The following PARP4 variants were observed in gnomAD, a reference collection of about 807,000 sequenced individuals.
The protein encoded by PARP4 is protein mono-ADP-ribosyltransferase PARP4.
PARP4 carries 120 observed loss-of-function variants against 187.7 expected under a neutral mutation model. That is an observed-to-expected ratio of 0.64 (90% CI 0.55 to 0.74). The LOEUF (loss-of-function observed/expected upper bound fraction) is 0.74. PARP4 is among the 30% of genes least tolerant of loss of function. The probability of loss-of-function intolerance (pLI) is 0.00; values close to 1 mark genes in which losing one functional copy is unlikely to be tolerated. For synonymous variants in PARP4, 654 were observed against 740.9 expected (o/e 0.88, Z 1.90); for missense variants, 1,836 against 2,070.5 (o/e 0.89, Z 2.20).
chr13:24,455,480 A>AATATATATATATATATAT (rs57015283), intron 21 of PARP4, among the ~76,000 whole-genome samples: 3,238 of 107,600 alleles, frequency 0.03, 117 homozygotes, highest in Non-Finnish European at 0.04. Flanking sequence ...TTATGGAACA[A>AATATATATATATATATAT]ATATATATAT....
At chr13:24,489,301 T>C (rs556825183) in intron 10 of PARP4, among the ~76,000 whole-genome samples, 5 of 152,310 alleles carry the variant, frequency 3.3e-5, no homozygotes, top group Admixed American at 2.0e-4. Context: ...CCAACACTTA[T>C]AATTTTCCAT....
chr13:24,474,825 T>C (rs1872901779), intron 15 of PARP4, among the ~76,000 whole-genome samples: 1 of 151,980 alleles, frequency 6.6e-6, no homozygotes, highest in African/African-American at 2.4e-5. Flanking sequence ...AAGCTTCCAT[T>C]TCACTCAGAG....
At chr13:24,483,471 C>T (rs537227815) in intron 12 of PARP4, among the ~76,000 whole-genome samples, 1 of 110,236 alleles carries the variant, frequency 9.1e-6, no homozygotes, top group African/African-American at 3.5e-5. Flanking sequence ...CCGGCCTGGG[C>T]GACAGAGCGA....
In PARP4 at chr13:24,475,457, C is replaced by T. The variant is rs572605077; in HGVS notation, c.1914+15G>A. The T allele has an allele frequency of 8.1e-6, 13 of 1,609,904 alleles. No homozygotes were observed. Among genetic ancestry groups the T allele is most frequent in the East Asian group, 2.2e-5 (1 of 44,798 alleles). On this transcript the variant is annotated intron_variant, in intron 15 of 33. Transcript: ENST00000381989. ...TCCATGTAGTTTAAGTGTCATAAAG[C>T]CACAGACAACATACCTGGGCTACAG...
chr13:24,473,215 C>T (rs1280138097), intron 15 of PARP4, among the ~76,000 whole-genome samples: 3 of 152,024 alleles, frequency 2.0e-5, no homozygotes, highest in African/African-American at 4.8e-5. Flanking sequence ...CATGAACCAC[C>T]GCACCGGCCA....
chr13:24,485,530 G>A (rs1873506365), intron 11 of PARP4, among the ~76,000 whole-genome samples: 1 of 152,052 alleles, frequency 6.6e-6, no homozygotes, highest in South Asian at 2.1e-4. Context: ...GGTGGATCTT[G>A]TATGTTTCTT....
At chr13:24,499,648 G>A (rs1477246453) in intron 4 of PARP4, among the ~76,000 whole-genome samples, 8 of 152,138 alleles carry the variant, frequency 5.3e-5, no homozygotes, top group African/African-American at 1.7e-4. Flanking sequence ...TGGTCTCCAC[G>A]CGGCAGAGGC....
At chr13:24,479,695 C>A (rs543436749) in intron 12 of PARP4, among the ~76,000 whole-genome samples, 2 of 151,992 alleles carry the variant, frequency 1.3e-5, no homozygotes, top group Non-Finnish European at 2.9e-5. Flanking sequence ...AAACAGACCA[C>A]CCTACTCTAC....
intron 30 of PARP4, among the ~76,000 whole-genome samples, chr13:24,436,823 TATGA>T (rs1164098609): frequency 6.6e-6 from 1 of 152,210 alleles, no homozygotes; most frequent in Non-Finnish European, 1.5e-5. Context: ...TACCTGTGAA[TATGA>T]ATGATTTAAA....
At chr13:24,470,143 G>A (rs544587973) in intron 15 of PARP4, 118 bp from the exon 16 acceptor site, 4 of 950,522 alleles carry the variant, frequency 4.2e-6, no homozygotes, top group Admixed American at 2.7e-5. Flanking sequence ...TTTGTATCAC[G>A]TCCCTCAAAT....
At chr13:24,500,492 T>A (rs1869213353) in intron 3 of PARP4, 110 bp from the exon 4 acceptor site, 3 of 614,400 alleles carry the variant, frequency 4.9e-6, no homozygotes, top group Non-Finnish European at 5.4e-6. Flanking sequence ...TTAAATTAGT[T>A]ATAATTTTGG....
At chr13:24,459,185 T>G in intron 19 of PARP4, 63 bp from the exon 20 acceptor site, 1 of 1,579,294 alleles carries the variant, frequency 6.3e-7, no homozygotes, top group Middle Eastern at 1.7e-4. Flanking sequence ...TGAAATTATT[T>G]CAAACAATTC....
intron 33 of PARP4, among the ~76,000 whole-genome samples, chr13:24,424,846 T>C (rs974203614): frequency 2.6e-5 from 4 of 151,810 alleles, no homozygotes; most frequent in South Asian, 4.2e-4. Flanking sequence ...GAATTTTTTT[T>C]TTTTTTTGTA....
intron 9 of PARP4, 21 bp downstream of exon 9, chr13:24,492,400 T>A (rs2137532181): frequency 6.4e-7 from 1 of 1,566,232 alleles, no homozygotes; most frequent in East Asian, 2.2e-5. Flanking sequence ...ATAAATAGAA[T>A]TCTATATTTC....
chr13:24,500,056 TAAAA>T (rs370389346), intron 4 of PARP4, among the ~76,000 whole-genome samples: 1 of 148,440 alleles, frequency 6.7e-6, no homozygotes, highest in African/African-American at 2.5e-5. Flanking sequence ...TTAAAAGAAT[TAAAA>T]AAAAAACCCA....
chr13:24,464,909 A>G (rs1872378932), intron 17 of PARP4, among the ~76,000 whole-genome samples: 1 of 152,190 alleles, frequency 6.6e-6, no homozygotes, highest in Non-Finnish European at 1.5e-5. Context: ...ATGAAGGTCT[A>G]ATATCCAGAA....
At chr13:24,482,877 C>T (rs1337271159) in intron 12 of PARP4, among the ~76,000 whole-genome samples, 1 of 152,196 alleles carries the variant, frequency 6.6e-6, no homozygotes, top group African/African-American at 2.4e-5. Context: ...ATCCATTTGA[C>T]ATGTGTAGCC....
intron 24 of PARP4, among the ~76,000 whole-genome samples, chr13:24,450,635 C>T (rs1477497119): frequency 1.3e-5 from 2 of 152,140 alleles, no homozygotes; most frequent in Non-Finnish European, 2.9e-5. Context: ...AGGACTCACG[C>T]CAAGGAGGAG....
rs1279705969 is a variant in PARP4 at position 24,478,264 on chromosome 13, C to T, written c.1461G>A (p.Lys487=). ...YFSDSLSTSI[K]YSHPGETDGT... is the part of the protein sequence containing the mutation. ...CATCTGTCTCTCCCGGGTGTGAGTA[C>T]TTGATACTTGTACTACATGCGAAAG... The change falls in exon 13 of 34, where the codon AAG becomes AAA. Residue 487 remains lysine (K), a synonymous_variant. Coordinates refer to ENST00000381989, the MANE Select transcript of PARP4 (RefSeq NM_006437.4). The T allele has an allele frequency of 1.2e-6, 2 of 1,606,672 alleles. No homozygotes were observed. Among genetic ancestry groups the T allele is most frequent in the Admixed American group, 3.4e-5 (2 of 59,118 alleles).
Sources: allele counts gnomAD v4.1 joint callset (sites outside exome capture counted in the v4.1 genomes callset), GRCh38; gene constraint gnomAD v4.1.1; transcripts MANE v1.5; gene names NCBI Gene and HGNC (gene_info 2026-07-23, HGNC 2026-07-21).